The following SPAG9 variants were observed in gnomAD, a reference collection of about 807,000 sequenced individuals.
SPAG9 encodes the protein C-Jun-amino-terminal kinase-interacting protein 4.
A neutral mutation model predicts 166.5 loss-of-function variants in SPAG9; 35 were observed. The observed-to-expected ratio is 0.21, with a 90% CI of 0.16 to 0.28. The LOEUF is 0.28. Ranked by LOEUF, SPAG9 falls within the 10% of genes least tolerant of loss-of-function variation. The pLI is 1.00. For synonymous variants in SPAG9, 534 were observed against 565.5 expected (o/e 0.94, Z 0.79); for missense variants, 1,235 against 1,603.3 (o/e 0.77, Z 3.92).
In SPAG9 at chr17:51,105,559, C is replaced by G. The variant is rs555632330; in HGVS notation, c.303+14795G>C. ...AACCTTTTCTTCTTCCCTTTTCTTC[C>G]CCAGTAGCTTGAAAAAACACTTAAA... On this transcript the variant is annotated intron_variant, in intron 1 of 29. Coordinates refer to ENST00000262013, the MANE Select transcript of SPAG9 (RefSeq NM_001130528.3). Among the ~76,000 whole-genome samples, 3 of 152,148 alleles carry G rather than the reference C, an allele frequency of 2.0e-5. No individual in the cohort carries two copies. In the South Asian group the frequency reaches 6.2e-4, roughly 32 times the overall value.
At chr17:50,994,253 A>T (rs1031459661) in intron 18 of SPAG9, among the ~76,000 whole-genome samples, 1 of 152,100 alleles carries the variant, frequency 6.6e-6, no homozygotes, top group African/African-American at 2.4e-5. Flanking sequence ...AGGGGTTTAC[A>T]CTTTTGCTTC....
chr17:51,025,318 A>G (rs2046118115), intron 6 of SPAG9, among the ~76,000 whole-genome samples: 2 of 45,242 alleles, frequency 4.4e-5, no homozygotes, highest in South Asian at 1.2e-3. Context: ...CTCTGTCTCA[A>G]AAAAAAAAAA....
intron 1 of SPAG9, among the ~76,000 whole-genome samples, chr17:51,115,852 A>T (rs944693823): frequency 3.0e-5 from 4 of 134,242 alleles, no homozygotes; most frequent in African/African-American, 1.0e-4. Context: ...AGAAAAGAAA[A>T]GAAAAGAAAA....
chr17:50,979,316 G>A (rs1284008651), intron 26 of SPAG9, among the ~76,000 whole-genome samples: 2 of 150,098 alleles, frequency 1.3e-5, no homozygotes, highest in African/African-American at 4.9e-5. Flanking sequence ...AAGCTGCAGT[G>A]AGCCGTGATG....
chr17:51,079,539 A>C, intron 2 of SPAG9, 45 bp downstream of exon 2: 1 of 1,599,804 alleles, frequency 6.3e-7, no homozygotes, highest in Non-Finnish European at 8.5e-7. Flanking sequence ...ACGTCTGGCC[A>C]AGCCCAATCT....
intron 7 of SPAG9, 74 bp downstream of exon 7, chr17:51,021,084 C>T (rs1006919817): frequency 7.9e-6 from 10 of 1,266,618 alleles, no homozygotes; most frequent in Admixed American, 1.7e-5. Flanking sequence ...CCCACAAAGA[C>T]ATATTTTCTC....
At chr17:51,117,708 CAAAAAAA>C (rs397856959) in intron 1 of SPAG9, among the ~76,000 whole-genome samples, 5 of 41,726 alleles carry the variant, frequency 1.2e-4, no homozygotes, top group African/African-American at 6.0e-4. Context: ...GACTCCGTCT[CAAAAAAA>C]AAAAAAAAAA....
At chr17:50,989,503 T>C in intron 21 of SPAG9, 174 bp downstream of exon 21, 1 of 672,750 alleles carries the variant, frequency 1.5e-6, no homozygotes, top group Admixed American at 2.3e-5. Context: ...TGGGGGGGAA[T>C]ATCCAGCGAG....
At chr17:51,116,703 G>A (rs1159692845) in intron 1 of SPAG9, among the ~76,000 whole-genome samples, 1 of 152,202 alleles carries the variant, frequency 6.6e-6, no homozygotes, top group African/African-American at 2.4e-5. Flanking sequence ...GATTGAGGCT[G>A]CAGTGAACTG....
chr17:51,024,770 C>T (rs771168119), intron 6 of SPAG9, among the ~76,000 whole-genome samples: 58 of 151,200 alleles, frequency 3.8e-4, no homozygotes, highest in Non-Finnish European at 6.9e-4. Context: ...CCAGCTACTT[C>T]GGAGGCTGAG....
intron 3 of SPAG9, among the ~76,000 whole-genome samples, chr17:51,052,688 T>C (rs989651036): frequency 6.6e-6 from 1 of 152,214 alleles, no homozygotes; most frequent in Admixed American, 6.5e-5. Flanking sequence ...CAGGCTTCTT[T>C]ATAGAAGCGT....
At chr17:50,997,294 T>C (rs1567978043) in intron 15 of SPAG9, among the ~76,000 whole-genome samples, 1 of 152,174 alleles carries the variant, frequency 6.6e-6, no homozygotes, top group Non-Finnish European at 1.5e-5. Flanking sequence ...TTTCAGATGC[T>C]GGCCATATGA....
intron 3 of SPAG9, among the ~76,000 whole-genome samples, chr17:51,055,930 T>G (rs547486229): frequency 1.7e-4 from 26 of 152,342 alleles, no homozygotes; most frequent in African/African-American, 6.3e-4. Context: ...GCAAAAAACC[T>G]ACTTTTGAGT....
intron 4 of SPAG9, among the ~76,000 whole-genome samples, chr17:51,046,302 A>G (rs546325676): frequency 1.3e-5 from 2 of 152,318 alleles, no homozygotes; most frequent in South Asian, 2.1e-4. Flanking sequence ...CCTTTTCTTT[A>G]GTTAGTGGTT....
chr17:51,001,857 A>G lies in SPAG9; in HGVS notation c.1477-12T>C. 6.2e-7 allele frequency: 1 copy of G among 1,608,406 alleles called. No homozygotes were observed. Among genetic ancestry groups the G allele is most frequent in the Non-Finnish European group, 8.5e-7 (1 of 1,177,866 alleles). On this transcript the variant is annotated splice_polypyrimidine_tract_variant and intron_variant, in intron 12 of 29. Transcript: ENST00000262013. ...GTGGGAATATCACTCTATAATGACA[A>G]GAAAATGACATATCATTCTGGAAGC...
At chr17:51,085,148 C>G (rs1484423610) in intron 1 of SPAG9, 1 of 152,170 alleles carries the variant, frequency 6.6e-6, no homozygotes, top group Admixed American at 6.5e-5. Context: ...GCACCCAGCC[C>G]AGAAATTCTT....
chr17:50,991,921 G>GTTT (rs1975585005), intron 19 of SPAG9, among the ~76,000 whole-genome samples: 1 of 113,828 alleles, frequency 8.8e-6, no homozygotes, highest in African/African-American at 3.1e-5. Flanking sequence ...ACCATGCCAG[G>GTTT]TCTTTTTTTT....
Position 50,995,165 on chromosome 17 carries a change from A to C in SPAG9, c.2118T>G (p.Val706=). ...SGGKTRDGGS[V]VGASVFYKDV... ...CCTTGTAAAATACACTTGCTCCAAC[A>C]ACAGAACCACCATCTCTGGTCTTCC... Residue 706 remains valine (V), a synonymous_variant, in exon 18 of 30, where the codon GTT becomes GTG. Coordinates refer to ENST00000262013, the MANE Select transcript of SPAG9 (RefSeq NM_001130528.3). The C allele has an allele frequency of 6.2e-7, 1 of 1,614,100 alleles. No homozygotes were observed. The highest frequency in any genetic ancestry group is 8.5e-7 in the Non-Finnish European group (1 of 1,179,960).
intron 8 of SPAG9, among the ~76,000 whole-genome samples, chr17:51,017,258 G>A (rs1233758236): frequency 2.0e-5 from 3 of 152,190 alleles, no homozygotes; most frequent in African/African-American, 7.2e-5. Context: ...TTATATACAA[G>A]AGATGCCTTA....
Sources: allele counts gnomAD v4.1 joint callset (sites outside exome capture counted in the v4.1 genomes callset), GRCh38; gene constraint gnomAD v4.1.1; transcripts MANE v1.5; gene names NCBI Gene and HGNC (gene_info 2026-07-23, HGNC 2026-07-21).